Variants in GBP7 observed in about 807,000 individuals in gnomAD.
The protein encoded by GBP7 is guanylate-binding protein 7.
GBP7 carries 43 observed loss-of-function variants against 61.3 expected under a neutral mutation model. That is an observed-to-expected ratio of 0.70 (90% CI 0.55 to 0.91). GBP7 has a LOEUF of 0.91. Among genes scored for constraint, GBP7 ranks in the 40% least tolerant of loss-of-function variants. The pLI is 0.00. For missense variants in GBP7, 717 were observed against 740.5 expected, an observed-to-expected ratio of 0.97 and a Z score of 0.37; for synonymous variants, 267 against 271.0, an observed-to-expected ratio of 0.99 and a Z score of 0.14.
At chr1:89,147,258 A>T (rs1226529512) in intron 8 of GBP7, among the ~76,000 whole-genome samples, 1 of 152,202 alleles carries the variant, frequency 6.6e-6, no homozygotes, top group East Asian at 1.9e-4. Flanking sequence ...TAAGATTCTG[A>T]AAACAAAGTT....
At chr1:89,167,209 G>A (rs1386532026) in intron 2 of GBP7, among the ~76,000 whole-genome samples, 2 of 152,112 alleles carry the variant, frequency 1.3e-5, no homozygotes, top group African/African-American at 2.4e-5. Flanking sequence ...CACTTGTTGA[G>A]CCCTTTGATT....
chr1:89,167,140 G>T (rs377364646), intron 2 of GBP7, among the ~76,000 whole-genome samples: 30 of 152,184 alleles, frequency 2.0e-4, no homozygotes, highest in African/African-American at 7.0e-4. Flanking sequence ...ATCAGAAGTA[G>T]GACCCAAAGT....
intron 8 of GBP7, among the ~76,000 whole-genome samples, chr1:89,144,723 C>T (rs1557455046): frequency 6.6e-6 from 1 of 151,858 alleles, no homozygotes; most frequent in Non-Finnish European, 1.5e-5. Flanking sequence ...ATGCAGTTAT[C>T]TTTTTTTTGT....
In GBP7 at chr1:89,147,643, C is replaced by A. The variant is rs186580098; in HGVS notation, c.1289G>T (p.Gly430Val). The A allele has an allele frequency of 8.3e-4, 1,343 of 1,614,134 alleles. 1 individual carries two copies. Among genetic ancestry groups the A allele is most frequent in the Non-Finnish European group, 1.0e-3 (1,196 of 1,180,008 alleles). Residue 430 changes from glycine (G) to valine (V), a missense_variant, in exon 8 of 11, where the codon GGG (glycine) becomes GTG (valine). Transcript: ENST00000294671. Reference sequence around the variant, plus strand: ...TGCTTCTAAGTAGATATTGTGCCCCCCCGGAACAAAGAAAGTTCCTCTTGA... The same window carrying A: ...TGCTTCTAAGTAGATATTGTGCCCCACCGGAACAAAGAAAGTTCCTCTTGA... ...SISRGTFFVP[G>V]GHNIYLEAKK...
intron 9 of GBP7, among the ~76,000 whole-genome samples, chr1:89,141,344 A>G (rs1681943339): frequency 6.6e-6 from 1 of 152,246 alleles, no homozygotes; most frequent in South Asian, 2.1e-4. Context: ...TGTCAGCAAG[A>G]GCATGTTTAA....
chr1:89,152,785 TAAAGAAA>T lies in GBP7; in HGVS notation c.319-15_319-9del. The T allele has an allele frequency of 7.1e-7, 1 of 1,412,334 alleles. No individual in the cohort carries two copies. Among genetic ancestry groups the T allele is most frequent in the African/African-American group, 2.2e-5 (1 of 46,006 alleles). The allele number at this position is 1,412,334 out of a possible 1,614,324, so 87.5% of individuals were successfully genotyped here. Reference sequence around the variant, plus strand: ...GTCACTCTTAGGGTCACTCTAGTGTTAAAGAAAAAAAAAAAAAAAATGGAAGCCACAG... The same window carrying T: ...GTCACTCTTAGGGTCACTCTAGTGTTAAAAAAAAAAAAATGGAAGCCACAG... On this transcript the variant is annotated splice_polypyrimidine_tract_variant and intron_variant, in intron 3 of 10. Coordinates refer to ENST00000294671, the MANE Select transcript of GBP7 (RefSeq NM_207398.3).
At chr1:89,149,119 A>G (rs1682133227) in intron 7 of GBP7, among the ~76,000 whole-genome samples, 173 bp downstream of exon 7, 1 of 152,148 alleles carries the variant, frequency 6.6e-6, no homozygotes, top group South Asian at 2.1e-4. Flanking sequence ...AAATTAATAA[A>G]TTTCCCATAT....
chr1:89,163,645 G>A (rs972369183), intron 3 of GBP7, among the ~76,000 whole-genome samples: 1 of 151,782 alleles, frequency 6.6e-6, no homozygotes, highest in African/African-American at 2.4e-5. Context: ...TTTATACTCA[G>A]ACTAATATAA....
chr1:89,151,743 A>ATT (rs200269847), intron 5 of GBP7, among the ~76,000 whole-genome samples: 3 of 150,130 alleles, frequency 2.0e-5, no homozygotes, highest in Admixed American at 1.3e-4. Context: ...ATGTCTGTGT[A>ATT]TTTTTTTTTT....
At chr1:89,167,971 A>G (rs931981446) in intron 2 of GBP7, among the ~76,000 whole-genome samples, 1 of 152,240 alleles carries the variant, frequency 6.6e-6, no homozygotes, top group Admixed American at 6.5e-5. Context: ...AGCTATATTT[A>G]TGGTCCATCT....
In GBP7 at chr1:89,141,741, C is replaced by T. The variant is rs376330358; in HGVS notation, c.1366-93G>A. On this transcript the variant is annotated intron_variant, in intron 8 of 10. Transcript: ENST00000294671. The stretch of plus-strand genomic sequence containing the variant: ...TTGTTCAACAAAGCCACAAATCTAA[C>T]CTTGTAAACTTCACATTATTCTTAA... 191 of 931,652 alleles carry T rather than the reference C, an allele frequency of 2.1e-4. 12 individuals carry two copies. Among genetic ancestry groups the T allele is most frequent in the East Asian group, 5.4e-4 (22 of 40,716 alleles). The allele number at this position is 931,652 out of a possible 1,614,324, so 57.7% of individuals were successfully genotyped here. A position where few individuals can be genotyped will look rare whatever the true frequency, so the allele number is the denominator to read the frequency against.
chr1:89,143,349 C>T (rs1420550988), intron 8 of GBP7, among the ~76,000 whole-genome samples: 1 of 152,128 alleles, frequency 6.6e-6, no homozygotes, highest in Non-Finnish European at 1.5e-5. Context: ...CTGGTAGTGA[C>T]TTATGAAGTA....
intron 2 of GBP7, among the ~76,000 whole-genome samples, chr1:89,171,375 A>G (rs1482128308): frequency 6.6e-6 from 1 of 152,180 alleles, no homozygotes; most frequent in Non-Finnish European, 1.5e-5. Context: ...TATAACCAAT[A>G]GTGACCTTAA....
At position 89,171,749 on chromosome 1, in the gene GBP7, T is replaced by G. The variant is rs375911963; in HGVS notation, c.187A>C (p.Lys63Gln). 1.5e-5 allele frequency: 24 copies of G among 1,612,680 alleles called. 1 individual carries two copies. In the East Asian group the frequency reaches 1.8e-4, roughly 12 times the overall value. ...ATGCTTTGCTGGTGCCACTCACCTT[T>G]GTTCTTCCCAGCCAGCTTGTTCATT... ...YLMNKLAGKN[K>Q]GFPLGCTVKS... is the part of the protein sequence containing the mutation. Residue 63 changes from lysine (K) to glutamine (Q), a missense_variant, in exon 2 of 11, where the codon AAA becomes CAA. Lys to Gln is a moderately conservative substitution (Grantham distance 53). Transcript: ENST00000294671.
chr1:89,156,394 AAG>A (rs1188649478), intron 3 of GBP7, among the ~76,000 whole-genome samples: 1 of 152,236 alleles, frequency 6.6e-6, no homozygotes, highest in Non-Finnish European at 1.5e-5. Flanking sequence ...CTCCAATTAA[AAG>A]ACACAGACTG....
chr1:89,160,008 A>G (rs934673343), intron 3 of GBP7, among the ~76,000 whole-genome samples: 26 of 152,250 alleles, frequency 1.7e-4, no homozygotes, highest in African/African-American at 6.0e-4. Context: ...TGGCACATAT[A>G]TACCATGGAA....
chr1:89,161,781 A>G (rs779736916), intron 3 of GBP7, among the ~76,000 whole-genome samples: 3 of 151,798 alleles, frequency 2.0e-5, no homozygotes, highest in Non-Finnish European at 4.4e-5. Flanking sequence ...GTTAGTTCCC[A>G]TTTGTCAATT....
At chr1:89,134,255 CGCTT>C (rs1681744207) in intron 9 of GBP7, among the ~76,000 whole-genome samples, 2 of 152,196 alleles carry the variant, frequency 1.3e-5, no homozygotes, top group South Asian at 2.1e-4. Flanking sequence ...GGCACACACT[CGCTT>C]GCAGCCTCTC....
intron 9 of GBP7, among the ~76,000 whole-genome samples, chr1:89,137,116 A>C (rs1408662789): frequency 6.6e-6 from 1 of 152,104 alleles, no homozygotes; most frequent in Non-Finnish European, 1.5e-5. Context: ...AAGAAATTGA[A>C]ACCTGGAACA....
Sources: gnomAD v4.1 joint callset for allele counts (sites outside exome capture counted in the v4.1 genomes callset) on GRCh38, gnomAD v4.1.1 for gene constraint, MANE v1.5 for transcripts, NCBI Gene and HGNC (gene_info 2026-07-23, HGNC 2026-07-21) for gene names.